The following IQSEC1 variants were observed in gnomAD, a reference collection of about 807,000 sequenced individuals.
IQSEC1 encodes the protein IQ motif and Sec7 domain ArfGEF 1.
In IQSEC1, 31 loss-of-function variants were observed where a neutral mutation model predicts 91.0. That is an observed-to-expected ratio of 0.34 (90% CI 0.26 to 0.46). The LOEUF (loss-of-function observed/expected upper bound fraction) is 0.46. Among genes scored for constraint, IQSEC1 ranks in the 20% least tolerant of loss-of-function variants. The pLI, the probability that IQSEC1 is intolerant of heterozygous loss-of-function variation, is 1.00. For synonymous variants in IQSEC1, 699 were observed against 662.6 expected, an observed-to-expected ratio of 1.05 and a Z score of -0.84; for missense variants, 1,388 against 1,575.6, an observed-to-expected ratio of 0.88 and a Z score of 2.02.
chr3:13,215,938 C>T (rs746711413), intron 1 of IQSEC1, among the ~76,000 whole-genome samples: 5 of 152,202 alleles, frequency 3.3e-5, no homozygotes, highest in South Asian at 2.1e-4. Flanking sequence ...CCGGGGCTTC[C>T]AAACCAAATC....
At chr3:13,194,505 C>G (rs993122670) in intron 1 of IQSEC1, among the ~76,000 whole-genome samples, 1 of 152,158 alleles carries the variant, frequency 6.6e-6, no homozygotes, top group Non-Finnish European at 1.5e-5. Flanking sequence ...AAACTTCCCT[C>G]GCAGGGCCAG....
intron 1 of IQSEC1, among the ~76,000 whole-genome samples, chr3:13,050,191 T>A (rs1704644483): frequency 6.6e-6 from 1 of 151,824 alleles, no homozygotes; most frequent in Non-Finnish European, 1.5e-5. Flanking sequence ...CTCTGTCAAC[T>A]GCCTTGTTGG....
In IQSEC1 at chr3:12,899,717, A is replaced by AC; in HGVS notation, c.*1265_*1266insG. The stretch of plus-strand genomic sequence containing the variant: ...CTACCACTCAGAAAACAAAACGGGA[A>AC]ACACACACACCGCCCTGGGTTGCTA... On this transcript the variant is annotated 3_prime_UTR_variant, in exon 14 of 14. Transcript: ENST00000613206. The AC allele has an allele frequency of 4.1e-6, 4 of 984,618 alleles. No individual in the cohort carries two copies. Among genetic ancestry groups the AC allele is most frequent in the Non-Finnish European group, 4.8e-6 (4 of 829,444 alleles). 61.0% of individuals were successfully genotyped at this position (984,618 alleles called of 1,614,324 possible).
At position 12,971,895 on chromosome 3, in the gene IQSEC1, G is replaced by A. The variant is rs189321731; in HGVS notation, c.24-30030C>T. 2.0e-5 allele frequency among the ~76,000 whole-genome samples: 3 copies of A among 152,186 alleles called. No homozygotes were observed. In the East Asian group the frequency reaches 5.8e-4, roughly 29 times the overall value. On this transcript the variant is annotated intron_variant, in intron 1 of 13. Coordinates refer to ENST00000613206, the MANE Select transcript of IQSEC1 (RefSeq NM_001134382.3). Reference sequence around the variant, plus strand: ...AAATTAGCTGGGCGTGGTGGTGGGTGCCTGTAATCCCAGCTACTCAGGAGG... The same window carrying A: ...AAATTAGCTGGGCGTGGTGGTGGGTACCTGTAATCCCAGCTACTCAGGAGG...
At chr3:13,021,538 G>A (rs373429322) in intron 1 of IQSEC1, among the ~76,000 whole-genome samples, 26 of 152,210 alleles carry the variant, frequency 1.7e-4, no homozygotes, top group South Asian at 4.1e-4. Flanking sequence ...AGGTGAAGCC[G>A]CTTCACACCA....
At chr3:13,029,724 G>A (rs150964470) in intron 1 of IQSEC1, among the ~76,000 whole-genome samples, 8 of 152,344 alleles carry the variant, frequency 5.3e-5, no homozygotes, top group South Asian at 4.1e-4. Flanking sequence ...GTGTGTGTGC[G>A]TGCATGCGTG....
At chr3:13,159,204 C>T (rs1006886215) in intron 2 of IQSEC1, among the ~76,000 whole-genome samples, 3 of 152,048 alleles carry the variant, frequency 2.0e-5, no homozygotes, top group Admixed American at 1.3e-4. Context: ...TTGAGGCAAG[C>T]GGATTACTTG....
At chr3:13,239,153 C>T (rs1394310631) in intron 1 of IQSEC1, among the ~76,000 whole-genome samples, 2 of 152,224 alleles carry the variant, frequency 1.3e-5, no homozygotes, top group South Asian at 4.1e-4. Context: ...CCTTTGGTTG[C>T]ACTAAATTAA....
At chr3:13,056,043 C>A (rs1178654470) in intron 1 of IQSEC1, among the ~76,000 whole-genome samples, 1 of 152,096 alleles carries the variant, frequency 6.6e-6, no homozygotes, top group East Asian at 1.9e-4. Flanking sequence ...GACAGCAGCA[C>A]GAGTCATGAG....
chr3:12,958,787 C>A (rs1158114800), intron 1 of IQSEC1, among the ~76,000 whole-genome samples: 3 of 152,198 alleles, frequency 2.0e-5, no homozygotes, highest in Non-Finnish European at 2.9e-5. Context: ...ATGTACCAAG[C>A]ACTGTGCTAG....
At chr3:13,210,957 C>G (rs1694433414) in intron 1 of IQSEC1, among the ~76,000 whole-genome samples, 1 of 152,236 alleles carries the variant, frequency 6.6e-6, no homozygotes, top group Non-Finnish European at 1.5e-5. Flanking sequence ...ATAAACACAG[C>G]AGCACAGACC....
chr3:12,995,809 A>G (rs360820), intron 1 of IQSEC1, among the ~76,000 whole-genome samples: 28,494 of 152,192 alleles, frequency 0.19, 3,057 homozygotes, highest in African/African-American at 0.3. Flanking sequence ...ATCCCCTGGG[A>G]ATGGGCTTGT....
At chr3:13,241,749 C>A (rs1165784727) in intron 1 of IQSEC1, among the ~76,000 whole-genome samples, 2 of 152,270 alleles carry the variant, frequency 1.3e-5, no homozygotes, top group African/African-American at 4.8e-5. Context: ...GCCAGCTGGG[C>A]TCATCCCAGA....
chr3:12,901,454 T>TG lies in IQSEC1; in HGVS notation c.2873dup (p.His959ThrfsTer234), dbSNP rs1233140318. 6.5e-7 allele frequency: 1 copy of TG among 1,549,204 alleles called. No homozygotes were observed. The highest frequency in any genetic ancestry group is 2.0e-5 in the Admixed American group (1 of 50,976). ...AAGATGAGTTGGGCATAGTCTGGTG[T>TG]GGGCGAGATGGACACTCTCGTGTTG... On this transcript the variant is annotated frameshift_variant, in exon 14 of 14. Transcript: ENST00000613206. LOFTEE classifies it low-confidence loss of function (END_TRUNC).
chr3:12,958,084 G>A (rs561701857), intron 1 of IQSEC1, among the ~76,000 whole-genome samples: 1 of 152,196 alleles, frequency 6.6e-6, no homozygotes, highest in East Asian at 1.9e-4. Context: ...CTCCCTGCCT[G>A]TCATGTTCTT....
At chr3:13,078,464 C>T (rs1576240168) in intron 2 of IQSEC1, among the ~76,000 whole-genome samples, 1 of 152,186 alleles carries the variant, frequency 6.6e-6, no homozygotes, top group Non-Finnish European at 1.5e-5. Context: ...CCTCCTTTCT[C>T]CCCTCAAACC....
intron 1 of IQSEC1, among the ~76,000 whole-genome samples, chr3:13,205,751 T>G (rs1230691148): frequency 8.0e-6 from 1 of 125,098 alleles, no homozygotes. Context: ...CCCATCCATC[T>G]CCCCTCCACC....
At chr3:13,004,644 T>C (rs937703450) in intron 1 of IQSEC1, among the ~76,000 whole-genome samples, 2 of 152,142 alleles carry the variant, frequency 1.3e-5, no homozygotes, top group Non-Finnish European at 1.5e-5. Flanking sequence ...GGACAGGGCA[T>C]CTATGCAGGG....
Position 13,227,391 on chromosome 3 carries a change from A to AAAAC in IQSEC1, c.272+55319_272+55320insGTTT, listed in dbSNP as rs1490681558. 2.0e-5 allele frequency among the ~76,000 whole-genome samples: 3 copies of AAAAC among 150,174 alleles called. No homozygotes were observed. The East Asian group carries it at 5.8e-4, about 29-fold the overall frequency. ...ACTCTGTCTCAAAAAAAAAAAAAAA[A>AAAAC]AAAAAGAAAGAAAGAAAAGAAAACG... On this transcript the variant is annotated intron_variant, in intron 1 of 15. Coordinates refer to the IQSEC1 transcript ENST00000648114.
Sources: gnomAD v4.1 joint callset for allele counts (sites outside exome capture counted in the v4.1 genomes callset) on GRCh38, gnomAD v4.1.1 for gene constraint, MANE v1.5 for transcripts, NCBI Gene and HGNC (gene_info 2026-07-23, HGNC 2026-07-21) for gene names.